Variants in CERKL observed in about 807,000 individuals in gnomAD.
The protein encoded by CERKL is CERK like autophagy regulator.
In CERKL, 61 loss-of-function variants were observed where a neutral mutation model predicts 63.4. That is an observed-to-expected ratio of 0.96 (90% CI 0.78 to 1.19). The LOEUF (loss-of-function observed/expected upper bound fraction) is 1.19, where lower values mean the gene tolerates loss of function less well. Ranked by LOEUF, CERKL falls within the 50% of genes most tolerant of loss-of-function variation. CERKL has a pLI of 0.00. For synonymous variants in CERKL, 250 were observed against 230.5 expected (o/e 1.08, Z -0.77); for missense variants, 675 against 655.5 (o/e 1.03, Z -0.33).
At chr2:181,599,039 C>A (rs565373138) in intron 2 of CERKL, among the ~76,000 whole-genome samples, 14 of 152,272 alleles carry the variant, frequency 9.2e-5, no homozygotes, top group Non-Finnish European at 1.5e-4. Flanking sequence ...GGATCCTAAC[C>A]AAGTTGAAAA....
At chr2:181,546,251 G>A (rs1251348767) in intron 10 of CERKL, among the ~76,000 whole-genome samples, 3 of 152,154 alleles carry the variant, frequency 2.0e-5, no homozygotes, top group Non-Finnish European at 4.4e-5. Context: ...GAGTGGCTTT[G>A]AAGGAGCTAT....
At chr2:181,619,163 T>C (rs571249986) in intron 1 of CERKL, among the ~76,000 whole-genome samples, 57 of 152,350 alleles carry the variant, frequency 3.7e-4, no homozygotes, top group African/African-American at 1.3e-3. Flanking sequence ...TTGATTTTAC[T>C]ACCTACTTAT....
rs1205264379 is a variant in CERKL, at chr2:181,537,109, A to C, written c.*1075T>G. ...TGTATACACAGGAATAAACTTTATG[A>C]CATTTATGTATTTTTAAAAAACTTT... On this transcript the variant is annotated 3_prime_UTR_variant, in exon 13 of 13. Coordinates refer to ENST00000410087, the MANE Select transcript of CERKL (RefSeq NM_201548.5). 2.2e-6 allele frequency: 1 copy of C among 452,776 alleles called. No individual in the cohort carries two copies. The highest frequency in any genetic ancestry group is 1.6e-5 in the South Asian group (1 of 64,296). The allele number at this position is 452,776 out of a possible 1,614,324, so 28.0% of individuals were successfully genotyped here.
chr2:181,574,240 C>A (rs1279803610), intron 2 of CERKL, among the ~76,000 whole-genome samples: 4 of 152,110 alleles, frequency 2.6e-5, no homozygotes, highest in African/African-American at 9.7e-5. Flanking sequence ...GGAAAAAAAG[C>A]AATGGACTGT....
At chr2:181,549,098 T>C (rs1299155461) in intron 6 of CERKL, among the ~76,000 whole-genome samples, 1 of 152,180 alleles carries the variant, frequency 6.6e-6, no homozygotes, top group Non-Finnish European at 1.5e-5. Context: ...TGCTATTTCC[T>C]ATAAAACATG....
chr2:181,608,495 C>G (rs1367513434), intron 1 of CERKL, among the ~76,000 whole-genome samples: 1 of 152,090 alleles, frequency 6.6e-6, no homozygotes, highest in Non-Finnish European at 1.5e-5. Flanking sequence ...GAAATAAACT[C>G]TTTTAACTTT....
chr2:181,655,571 G>A (rs1206499530), intron 1 of CERKL, among the ~76,000 whole-genome samples: 2 of 152,224 alleles, frequency 1.3e-5, no homozygotes, highest in African/African-American at 4.8e-5. Context: ...TTTTCGTGAA[G>A]CGAGCGAGCA....
intron 4 of CERKL, among the ~76,000 whole-genome samples, chr2:181,560,437 T>C (rs1230317313): frequency 6.6e-6 from 1 of 152,208 alleles, no homozygotes; most frequent in Non-Finnish European, 1.5e-5. Flanking sequence ...ATCTGAAATT[T>C]TGTCATAATA....
At chr2:181,585,309 ATAAC>A (rs1684713926) in intron 2 of CERKL, among the ~76,000 whole-genome samples, 2 of 152,274 alleles carry the variant, frequency 1.3e-5, no homozygotes, top group East Asian at 1.9e-4. Flanking sequence ...ATATAAATAA[ATAAC>A]TAATATTCTT....
At chr2:181,589,561 T>A (rs1356253031) in intron 2 of CERKL, among the ~76,000 whole-genome samples, 3 of 152,224 alleles carry the variant, frequency 2.0e-5, no homozygotes, top group Non-Finnish European at 4.4e-5. Flanking sequence ...TGTTCCAGTC[T>A]ATCTGGGACA....
At chr2:181,539,673 A>C (rs1040915958) in intron 11 of CERKL, among the ~76,000 whole-genome samples, 2 of 152,194 alleles carry the variant, frequency 1.3e-5, no homozygotes, top group Non-Finnish European at 2.9e-5. Context: ...TTTAATTTGG[A>C]AGAACGCAAG....
At chr2:181,586,708 A>G (rs1010153336) in intron 2 of CERKL, among the ~76,000 whole-genome samples, 4 of 152,190 alleles carry the variant, frequency 2.6e-5, no homozygotes, top group African/African-American at 9.6e-5. Flanking sequence ...ATGTGCTAAT[A>G]TATACTAGTT....
At position 181,625,701 on chromosome 2, in the gene CERKL, A is replaced by G. The variant is rs551359269; in HGVS notation, c.239-21622T>C. ...AACTCTGTCACCAATCTTGAGGGAA[A>G]TGCTTTCACTTTTGAGCCTGACGGG... On this transcript the variant is annotated intron_variant, in intron 1 of 12. Transcript: ENST00000410087. Among the ~76,000 whole-genome samples the G allele has an allele frequency of 2.0e-5, 3 of 152,308 alleles. No individual in the cohort carries two copies. In the South Asian group the frequency reaches 6.2e-4, roughly 32 times the overall value.
chr2:181,565,511 C>G lies in CERKL; in HGVS notation c.677+547G>C, dbSNP rs1044562973. Reference sequence around the variant, plus strand: ...TGCGAACAATGGTTTCCGATGCCCACTGTGAATAACATACCTAAATTGTAG... The same window carrying G: ...TGCGAACAATGGTTTCCGATGCCCAGTGTGAATAACATACCTAAATTGTAG... On this transcript the variant is annotated intron_variant, in intron 4 of 12. Transcript: ENST00000410087. The G allele has an allele frequency of 8.8e-6, 14 of 1,598,948 alleles. No homozygotes were observed. The highest frequency in any genetic ancestry group is 4.0e-5 in the African/African-American group (3 of 74,622).
chr2:181,611,256 T>G (rs940250531), intron 1 of CERKL, among the ~76,000 whole-genome samples: 3 of 151,542 alleles, frequency 2.0e-5, no homozygotes, highest in Admixed American at 6.6e-5. Flanking sequence ...AAATACTTAC[T>G]TACCCAAGCA....
At chr2:181,607,027 T>C (rs948227653) in intron 1 of CERKL, among the ~76,000 whole-genome samples, 5 of 152,228 alleles carry the variant, frequency 3.3e-5, no homozygotes, top group African/African-American at 1.2e-4. Context: ...CTTTGGTTTA[T>C]GTAGGTTATA....
rs560898797 is a variant in CERKL at position 181,585,249 on chromosome 2, T to C, written c.482-11365A>G. 2.0e-5 allele frequency among the ~76,000 whole-genome samples: 3 copies of C among 152,288 alleles called. No individual in the cohort carries two copies. The South Asian group carries it at 6.2e-4, about 32-fold the overall frequency. On this transcript the variant is annotated intron_variant, in intron 2 of 12. Coordinates refer to ENST00000410087, the MANE Select transcript of CERKL (RefSeq NM_201548.5). ...AACTTCATGATTCTGCTCTCTGCTA[T>C]GTTTACTAGTTCCTAGAATAGTGTC...
intron 5 of CERKL, among the ~76,000 whole-genome samples, chr2:181,554,569 C>T (rs1688127162): frequency 1.3e-5 from 2 of 152,098 alleles, no homozygotes. Context: ...CCCCCTCCCC[C>T]TTTTAATCAG....
In CERKL at chr2:181,538,183, GTTAC is replaced by G. The variant is rs1687284389; in HGVS notation, c.1596_1599del (p.Lys532AsnfsTer3). ...ACATTTCTTTTAGAAACAATTACAT[GTTAC>G]TTTGGAATCATTTCTTCCATGCTTC... On this transcript the variant is annotated frameshift_variant and stop_lost, in exon 13 of 13. Transcript: ENST00000410087. LOFTEE classifies it high-confidence loss of function. The G allele has an allele frequency of 6.4e-7, 1 of 1,557,748 alleles. No individual in the cohort carries two copies. The highest frequency in any genetic ancestry group is 1.4e-5 in the African/African-American group (1 of 73,744).
Sources: gnomAD v4.1 joint callset for allele counts (sites outside exome capture counted in the v4.1 genomes callset) on GRCh38, gnomAD v4.1.1 for gene constraint, MANE v1.5 for transcripts, NCBI Gene and HGNC (gene_info 2026-07-23, HGNC 2026-07-21) for gene names.